Variants in PTPRM observed in about 807,000 individuals in gnomAD.
The protein encoded by PTPRM is protein tyrosine phosphatase receptor type M, also known as receptor-type tyrosine-protein phosphatase mu.
A neutral mutation model predicts 186.7 loss-of-function variants in PTPRM; 47 were observed. That is an observed-to-expected ratio of 0.25 (90% confidence interval 0.20 to 0.32). The LOEUF is 0.32. Ranked by LOEUF, PTPRM falls within the 10% of genes least tolerant of loss-of-function variation. The pLI, the probability that PTPRM is intolerant of heterozygous loss-of-function variation, is 1.00. For missense variants in PTPRM, 1,494 were observed against 1,865.0 expected (o/e 0.80, Z 3.66); for synonymous variants, 668 against 674.9 (o/e 0.99, Z 0.16).
chr18:7,801,091 T>C (rs866947886), intron 2 of PTPRM, among the ~76,000 whole-genome samples: 8 of 152,184 alleles, frequency 5.3e-5, no homozygotes, highest in South Asian at 2.1e-4. Flanking sequence ...CACTGTGCAC[T>C]TAGGCTGCAT....
At chr18:8,179,998 G>T (rs548578134) in intron 14 of PTPRM, among the ~76,000 whole-genome samples, 117 of 149,796 alleles carry the variant, frequency 7.8e-4, no homozygotes, top group Middle Eastern at 7.5e-3. Context: ...AAATGTGGAG[G>T]TTATCTACGT....
At chr18:7,775,312 C>T (rs1327418247) in intron 2 of PTPRM, among the ~76,000 whole-genome samples, 1 of 152,132 alleles carries the variant, frequency 6.6e-6, no homozygotes, top group Non-Finnish European at 1.5e-5. Flanking sequence ...TTGGTTATTT[C>T]CTTGCAGCTG....
intron 7 of PTPRM, among the ~76,000 whole-genome samples, chr18:7,996,160 CT>C (rs2083522185): frequency 6.6e-6 from 1 of 150,934 alleles, no homozygotes; most frequent in Non-Finnish European, 1.5e-5. Flanking sequence ...TCTTTTTTTC[CT>C]TTTTTTCTTT....
intron 19 of PTPRM, among the ~76,000 whole-genome samples, chr18:8,262,352 A>G (rs950983466): frequency 6.6e-6 from 1 of 152,222 alleles, no homozygotes; most frequent in Non-Finnish European, 1.5e-5. Flanking sequence ...AAACTATGCC[A>G]CGGATTCTTT....
At chr18:8,230,135 T>C (rs149064533) in intron 14 of PTPRM, among the ~76,000 whole-genome samples, 1 of 152,344 alleles carries the variant, frequency 6.6e-6, no homozygotes, top group African/African-American at 2.4e-5. Flanking sequence ...GTCTGTCATT[T>C]GATATAACCC....
chr18:8,325,971 A>G (rs1325162935), intron 22 of PTPRM, among the ~76,000 whole-genome samples: 4 of 152,116 alleles, frequency 2.6e-5, no homozygotes, highest in African/African-American at 7.2e-5. Flanking sequence ...GCCGCATGGT[A>G]CCTTTTCAAG....
chr18:8,081,109 T>C (rs2090102313), intron 9 of PTPRM, among the ~76,000 whole-genome samples: 1 of 152,224 alleles, frequency 6.6e-6, no homozygotes, highest in African/African-American at 2.4e-5. Flanking sequence ...CTAGAAGATT[T>C]TGATTCCCCT....
In PTPRM at chr18:7,655,220, C is replaced by T. The variant is rs376542003; in HGVS notation, c.73+87329C>T. ...TGTTTCTTTCTTTCTTTTTTCACACCGGCTAATTTAAAACATTTTAGAGAT... is the reference window on the plus strand; with the variant it reads ...TGTTTCTTTCTTTCTTTTTTCACACTGGCTAATTTAAAACATTTTAGAGAT... On this transcript the variant is annotated intron_variant, in intron 1 of 32. Transcript: ENST00000580170. Among the ~76,000 whole-genome samples the T allele has an allele frequency of 9.4e-4, 143 of 151,788 alleles. 1 individual carries two copies. Among genetic ancestry groups the T allele is most frequent in the African/African-American group, 3.2e-3 (131 of 41,392 alleles).
intron 7 of PTPRM, among the ~76,000 whole-genome samples, chr18:8,047,462 G>A (rs983338093): frequency 6.6e-6 from 1 of 152,106 alleles, no homozygotes; most frequent in Non-Finnish European, 1.5e-5. Context: ...TACAAAAATA[G>A]CAAATTTTGA....
At chr18:7,702,132 T>C (rs2144716953) in intron 1 of PTPRM, among the ~76,000 whole-genome samples, 1 of 152,284 alleles carries the variant, frequency 6.6e-6, no homozygotes, top group South Asian at 2.1e-4. Context: ...AAGTCTTTGC[T>C]ATTGTGAACA....
At chr18:7,756,613 A>T (rs1373609219) in intron 1 of PTPRM, among the ~76,000 whole-genome samples, 1 of 152,198 alleles carries the variant, frequency 6.6e-6, no homozygotes, top group Non-Finnish European at 1.5e-5. Flanking sequence ...CAATTTACTT[A>T]TGTAGTAGAT....
intron 19 of PTPRM, chr18:8,269,955 C>G (rs1031656385): frequency 3.3e-5 from 5 of 151,946 alleles, no homozygotes; most frequent in African/African-American, 1.2e-4. Flanking sequence ...GGAAATACCC[C>G]CTGACATTGG....
At chr18:8,247,026 C>A (rs1010028959) in intron 15 of PTPRM, among the ~76,000 whole-genome samples, 1 of 152,056 alleles carries the variant, frequency 6.6e-6, no homozygotes, top group African/African-American at 2.4e-5. Flanking sequence ...AGTTTAACCA[C>A]CTTGAGCAAC....
intron 13 of PTPRM, among the ~76,000 whole-genome samples, chr18:8,135,049 T>C (rs2092605675): frequency 6.6e-6 from 1 of 152,192 alleles, no homozygotes; most frequent in African/African-American, 2.4e-5. Context: ...TTATATAAGT[T>C]ACCCAGCATA....
chr18:8,268,103 T>G (rs1375632767), intron 19 of PTPRM, among the ~76,000 whole-genome samples: 1 of 152,132 alleles, frequency 6.6e-6, no homozygotes, highest in Non-Finnish European at 1.5e-5. Context: ...GACAATTCAG[T>G]CAGCGTTAGG....
chr18:7,693,292 T>C (rs561136262), intron 1 of PTPRM, among the ~76,000 whole-genome samples: 3 of 152,350 alleles, frequency 2.0e-5, no homozygotes, highest in Admixed American at 6.5e-5. Context: ...ACCATCCTTA[T>C]GAAGGTAAGA....
intron 2 of PTPRM, among the ~76,000 whole-genome samples, chr18:7,828,975 A>G (rs1475175298): frequency 6.6e-6 from 1 of 152,172 alleles, no homozygotes; most frequent in African/African-American, 2.4e-5. Context: ...TCTGGCCTCT[A>G]GTTAGAGTTC....
At chr18:7,782,310 A>T (rs540572372) in intron 2 of PTPRM, among the ~76,000 whole-genome samples, 1 of 152,198 alleles carries the variant, frequency 6.6e-6, no homozygotes, top group Non-Finnish European at 1.5e-5. Context: ...ATGGAGCCAA[A>T]GGCTGGGATT....
chr18:8,195,352 T>TTAGCAACTG (rs2093763133), intron 14 of PTPRM, among the ~76,000 whole-genome samples: 2 of 152,044 alleles, frequency 1.3e-5, no homozygotes, highest in Non-Finnish European at 2.9e-5. Context: ...AGGATGGATG[T>TTAGCAACTG]GTGGATTGAC....
Sources: gnomAD v4.1 joint callset for allele counts (sites outside exome capture counted in the v4.1 genomes callset) on GRCh38, gnomAD v4.1.1 for gene constraint, MANE v1.5 for transcripts, NCBI Gene and HGNC (gene_info 2026-07-23, HGNC 2026-07-21) for gene names.